Variants in IGDCC3 observed in about 807,000 individuals in gnomAD.
The protein encoded by IGDCC3 is immunoglobulin superfamily DCC subclass member 3, also known as putative neuronal cell adhesion molecule.
Under a neutral mutation model 72.0 loss-of-function variants are expected in IGDCC3, and 47 were observed. That is an observed-to-expected ratio of 0.65 (90% confidence interval 0.52 to 0.83). IGDCC3 has a LOEUF of 0.83. Among genes scored for constraint, IGDCC3 ranks in the 40% least tolerant of loss-of-function variants. The pLI is 0.00. For synonymous variants in IGDCC3, 477 were observed against 472.8 expected, an observed-to-expected ratio of 1.01 and a Z score of -0.11; for missense variants, 1,038 against 1,091.3, an observed-to-expected ratio of 0.95 and a Z score of 0.69.
chr15:65,358,979 C>T (rs954606082), intron 2 of IGDCC3, among the ~76,000 whole-genome samples: 8 of 152,094 alleles, frequency 5.3e-5, no homozygotes, highest in African/African-American at 1.9e-4. Context: ...GTGTGTACCA[C>T]CATGTCTGGC....
rs934088613 is a variant in IGDCC3 at position 65,339,644 on chromosome 15, G to A, written c.410-3688C>T. Among the ~76,000 whole-genome samples, 6 of 152,190 alleles carry A rather than the reference G, an allele frequency of 3.9e-5. No homozygotes were observed. The highest frequency in any genetic ancestry group is 2.1e-4 in the South Asian group (1 of 4,826). On this transcript the variant is annotated intron_variant, in intron 2 of 13. Transcript: ENST00000327987. This position sits in a 1 kb window ranked among gnomAD's most constrained non-coding sequence, Gnocchi z 4.1. ...ACATGAGGAAGTGGGGCTGAGGGCC[G>A]GACTTCAGGGCACCCTGAGATCTGA...
rs2090980426 is a variant in IGDCC3 at position 65,331,806 on chromosome 15, CCACCT to C, written c.1148+130_1148+134del. ...GCAAGTTGGTGGTGGAACTGGGACT[CCACCT>C]CAATCTCCAGACTCCCAATTCTGTG... On this transcript the variant is annotated intron_variant, in intron 7 of 13. Transcript: ENST00000327987. The C allele has an allele frequency of 3.6e-6, 5 of 1,379,914 alleles. No homozygotes were observed. The East Asian group carries it at 1.2e-4, about 32-fold the overall frequency. 85.5% of individuals were successfully genotyped at this position (1,379,914 alleles called of 1,614,324 possible).
At chr15:65,333,128 G>T in intron 6 of IGDCC3, 129 bp downstream of exon 6, 1 of 898,062 alleles carries the variant, frequency 1.1e-6, no homozygotes, top group Non-Finnish European at 1.6e-6. Context: ...CTGGGGGCCG[G>T]TGAGGGGCGA....
intron 2 of IGDCC3, chr15:65,356,152 C>G (rs7184050): frequency 5.9e-6 from 1 of 170,560 alleles, no homozygotes; most frequent in Admixed American, 6.4e-5. Flanking sequence ...CCCATTTCGC[C>G]GATACACACC....
chr15:65,356,087 G>C, intron 2 of IGDCC3: 3 of 233,506 alleles, frequency 1.3e-5, no homozygotes, highest in South Asian at 1.2e-4. Context: ...AACTGAGCGC[G>C]CAGTTGTCCT....
rs1247451499 is a variant in IGDCC3 at position 65,327,919 on chromosome 15, T to A, written c.*990A>T. 1 of 152,682 alleles carries A rather than the reference T, an allele frequency of 6.5e-6. No individual in the cohort carries two copies. The allele number at this position is 152,682 out of a possible 1,614,324, so 9.5% of individuals were successfully genotyped here. The stretch of plus-strand genomic sequence containing the variant: ...CCCAAGCCCAGGTTCCTCATGGGCA[T>A]CCCCATCAAGGATGGGCTGGCTCAA... On this transcript the variant is annotated 3_prime_UTR_variant, in exon 14 of 14. Coordinates refer to ENST00000327987, the MANE Select transcript of IGDCC3 (RefSeq NM_004884.4).
rs1312158068 is a variant in IGDCC3 at position 65,327,864 on chromosome 15, AG to A, written c.*1044del. 4.6e-5 allele frequency: 7 copies of A among 152,588 alleles called. No homozygotes were observed. Among genetic ancestry groups the A allele is most frequent in the Admixed American group, 3.3e-4 (5 of 15,282 alleles). The allele number at this position is 152,588 out of a possible 1,614,324, so 9.5% of individuals were successfully genotyped here. ...ATTCCAGGGGCCGGGCCTGCAGGAC[AG>A]GAGGCAGGCGGCCAGCTGATGCCAC... On this transcript the variant is annotated 3_prime_UTR_variant, in exon 14 of 14. Transcript: ENST00000327987.
At chr15:65,338,685 C>T (rs2091052618) in intron 2 of IGDCC3, among the ~76,000 whole-genome samples, 3 of 152,100 alleles carry the variant, frequency 2.0e-5, no homozygotes, top group Non-Finnish European at 2.9e-5. Context: ...CCTGCATATT[C>T]CTTAGGCGTC....
chr15:65,329,408 C>G lies in IGDCC3; in HGVS notation c.2187G>C (p.Gln729His), dbSNP rs77669545. ...QLFPPASAAG[Q>H]PDPRPTQDPA... ...CACTCACTGTGGGTCTGGGGTCCGG[C>G]TGCCCTGCTGCGCTGGCCGGGGGGA... The change falls in exon 13 of 14, where the codon CAG becomes CAC. Residue 729 changes from glutamine to histidine, a missense_variant. By Grantham distance (24) the Gln-to-His change is conservative. Coordinates refer to ENST00000327987, the MANE Select transcript of IGDCC3 (RefSeq NM_004884.4). This position sits in a 1 kb window ranked among gnomAD's most constrained non-coding sequence, Gnocchi z 4.1. 44 of 1,589,946 alleles carry G rather than the reference C, an allele frequency of 2.8e-5. No individual in the cohort carries two copies. The African/African-American group carries it at 5.8e-4, about 21-fold the overall frequency.
chr15:65,367,217 A>ACG (rs2091292479), intron 2 of IGDCC3, among the ~76,000 whole-genome samples: 1 of 151,972 alleles, frequency 6.6e-6, no homozygotes, highest in African/African-American at 2.4e-5. Context: ...GTGGTGGTGC[A>ACG]TGCCTGTAAT....
intron 2 of IGDCC3, among the ~76,000 whole-genome samples, chr15:65,360,761 C>G (rs1259025243): frequency 6.6e-6 from 1 of 152,074 alleles, no homozygotes; most frequent in African/African-American, 2.4e-5. Flanking sequence ...CTGGAAAGAG[C>G]ATCTGGGCCC....
rs1382698847 is a variant in IGDCC3, at chr15:65,328,929, G to T, written c.2425C>A (p.Pro809Thr). The T allele has an allele frequency of 6.5e-7, 1 of 1,550,170 alleles. No homozygotes were observed. Among genetic ancestry groups the T allele is most frequent in the South Asian group, 1.2e-5 (1 of 80,856 alleles). The change falls in exon 14 of 14, where the codon CCA (proline) becomes ACA (threonine). Residue 809 changes from proline (P) to threonine (T), a missense_variant. Physicochemically the swap from Pro to Thr is conservative, Grantham distance 38 (BLOSUM62 -1). Transcript: ENST00000327987. ...ACTGGCTACTGTTCCGAGTGAGCTG[G>T]CTGGGTAACCCGGGCCGCTGCAGGC... ...SRPAAARVTQPAHSEQ is the reference protein window; with the variant it reads ...SRPAAARVTQTAHSEQ
Position 65,328,852 on chromosome 15 carries a change from T to G in IGDCC3, c.*57A>C, listed in dbSNP as rs1366410048. 1 of 1,487,526 alleles carries G rather than the reference T, an allele frequency of 6.7e-7. No individual in the cohort carries two copies. Among genetic ancestry groups the G allele is most frequent in the Non-Finnish European group, 8.9e-7 (1 of 1,119,200 alleles). The allele number at this position is 1,487,526 out of a possible 1,614,324, so 92.1% of individuals were successfully genotyped here. A position where few individuals can be genotyped will look rare whatever the true frequency, so the allele number is the denominator to read the frequency against. ...TCCCACATGACAGTAGAAATCTTGC[T>G]TTTGACCTGAGAATGGGCCCCGCTC... On this transcript the variant is annotated 3_prime_UTR_variant, in exon 14 of 14. Coordinates refer to ENST00000327987, the MANE Select transcript of IGDCC3 (RefSeq NM_004884.4).
At chr15:65,349,037 A>G (rs949942761) in intron 2 of IGDCC3, among the ~76,000 whole-genome samples, 1 of 151,816 alleles carries the variant, frequency 6.6e-6, no homozygotes, top group Non-Finnish European at 1.5e-5. Flanking sequence ...CACTTTCCCC[A>G]CCCTGCCACA....
Position 65,329,927 on chromosome 15 carries a change from G to A in IGDCC3, c.1859-63C>T. 6.3e-7 allele frequency: 1 copy of A among 1,574,924 alleles called. No individual in the cohort carries two copies. Among genetic ancestry groups the A allele is most frequent in the South Asian group, 1.1e-5 (1 of 90,162 alleles). ...GGTCTGAAGCACTCCCAAACACCCA[G>A]CCTCTGGGGACTCCTCTTCCTTCAG... On this transcript the variant is annotated intron_variant, in intron 11 of 13. Transcript: ENST00000327987. The surrounding 1 kb of genome is among the most constrained non-coding windows in gnomAD (Gnocchi z 4.1).
chr15:65,349,924 G>A (rs923897665), intron 2 of IGDCC3, among the ~76,000 whole-genome samples: 38 of 152,100 alleles, frequency 2.5e-4, no homozygotes, highest in Non-Finnish European at 1.2e-4. Flanking sequence ...TGGTGGTCTG[G>A]GTTCAGTTCC....
intron 3 of IGDCC3, 116 bp downstream of exon 3, chr15:65,335,696 C>A: frequency 1.6e-6 from 2 of 1,222,440 alleles, no homozygotes; most frequent in Non-Finnish European, 2.4e-6. Flanking sequence ...ACACCACTAT[C>A]TCAGGCACCT....
chr15:65,342,564 G>A (rs983238182), intron 2 of IGDCC3, among the ~76,000 whole-genome samples: 2 of 152,078 alleles, frequency 1.3e-5, no homozygotes, highest in Admixed American at 6.5e-5. Flanking sequence ...GTCCAGACCC[G>A]AAGCAAGGTC....
chr15:65,332,531 C>G (rs1034596029), intron 6 of IGDCC3, among the ~76,000 whole-genome samples: 1 of 152,184 alleles, frequency 6.6e-6, no homozygotes, highest in Non-Finnish European at 1.5e-5. Context: ...CCGCTCTCCT[C>G]CAATCCCAGG....
Sources: gnomAD v4.1 joint callset for allele counts (sites outside exome capture counted in the v4.1 genomes callset) on GRCh38, gnomAD v4.1.1 for gene constraint, Gnocchi (gnomAD v3.1) non-coding constraint, MANE v1.5 for transcripts, NCBI Gene and HGNC (gene_info 2026-07-23, HGNC 2026-07-21) for gene names.